FGF1: variants seen among roughly 807,000 people sequenced by gnomAD.
FGF1 encodes the protein fibroblast growth factor 1, also known as beta-endothelial cell growth factor.
FGF1 carries 9 observed loss-of-function variants against 13.4 expected under a neutral mutation model. The ratio of observed to expected loss-of-function variants is 0.67; its 90% CI spans 0.40 to 1.17. The LOEUF is 1.17. Among genes scored for constraint, FGF1 ranks in the 50% most tolerant of loss-of-function variants. FGF1 has a pLI of 0.01. For missense variants in FGF1, 156 were observed against 192.7 expected (o/e 0.81, Z 1.13); for synonymous variants, 93 against 79.0 (o/e 1.18, Z -0.94).
At chr5:142,619,850 C>T (rs931158035) in intron 1 of FGF1, among the ~76,000 whole-genome samples, 9 of 120,828 alleles carry the variant, frequency 7.4e-5, no homozygotes, top group East Asian at 2.1e-4. Flanking sequence ...AACCAAAAAA[C>T]GAAAAAAAAA....
chr5:142,615,527 G>C (rs941537546), intron 1 of FGF1, among the ~76,000 whole-genome samples: 4 of 152,078 alleles, frequency 2.6e-5, no homozygotes, highest in African/African-American at 9.6e-5. Flanking sequence ...CGGCCTGGGA[G>C]CTGTACTTTG....
chr5:142,626,522 G>A lies in FGF1; in HGVS notation c.-34-12361C>T, dbSNP rs188166375. On this transcript the variant is annotated intron_variant, in intron 1 of 3. Transcript: ENST00000337706. ...ATAAATGTGGATAAGAGAATAAAAT[G>A]CCCCTTGAACTGAGTGACCCTTGAG... Among the ~76,000 whole-genome samples the A allele has an allele frequency of 3.9e-4, 60 of 152,308 alleles. 1 individual carries two copies. The highest frequency in any genetic ancestry group is 1.4e-3 in the African/African-American group (57 of 41,568).
chr5:142,613,936 G>A, intron 2 of FGF1, 23 bp downstream of exon 2: 4 of 1,608,994 alleles, frequency 2.5e-6, no homozygotes, highest in Middle Eastern at 3.8e-4. Flanking sequence ...AAGGGAAGGG[G>A]GGTGCCATAG....
upstream of FGF1, among the ~76,000 whole-genome samples, chr5:142,690,247 GT>G (rs879477141): frequency 3.0e-3 from 461 of 151,890 alleles, no homozygotes; most frequent in Non-Finnish European, 5.4e-3. Context: ...CGTGAACCCG[GT>G]GAACCCGGCG....
Position 142,634,696 on chromosome 5 carries a change from C to T in FGF1, c.-34-20535G>A, listed in dbSNP as rs916635632. On this transcript the variant is annotated intron_variant, in intron 1 of 3. Coordinates refer to ENST00000337706, the MANE Select transcript of FGF1 (RefSeq NM_000800.5). ...TTACCACAAATAGTATTATTAATGT[C>T]TTTCATCCTTTGGGAGTTCACAAAA... Among the ~76,000 whole-genome samples the T allele has an allele frequency of 1.6e-4, 24 of 152,198 alleles. 1 individual carries two copies.
At chr5:142,638,926 A>G (rs1020328658) in intron 1 of FGF1, among the ~76,000 whole-genome samples, 6 of 152,056 alleles carry the variant, frequency 3.9e-5, no homozygotes, top group Non-Finnish European at 8.8e-5. Flanking sequence ...AAAATGCTCA[A>G]CATTGCTAAT....
intron 1 of FGF1, among the ~76,000 whole-genome samples, chr5:142,657,757 A>G (rs1394016987): frequency 2.0e-5 from 3 of 152,206 alleles, no homozygotes; most frequent in African/African-American, 7.2e-5. Context: ...GGAACTTTCC[A>G]ACCCACTCTG....
At chr5:142,604,224 A>C (rs574130653) in intron 2 of FGF1, among the ~76,000 whole-genome samples, 2 of 152,226 alleles carry the variant, frequency 1.3e-5, no homozygotes, top group African/African-American at 2.4e-5. Flanking sequence ...AATCCATTGC[A>C]TTGTACAACT....
rs1754942717 is a variant in FGF1 at position 142,594,955 on chromosome 5, T to C, written c.*335A>G. ...GAGGGAAATAGTGTGCAGTTACTAA[T>C]GTCCCACTTAGCCGACCCCTTAACA... is the stretch of plus-strand genomic sequence containing the variant. On this transcript the variant is annotated 3_prime_UTR_variant, in exon 4 of 4. Coordinates refer to ENST00000337706, the MANE Select transcript of FGF1 (RefSeq NM_000800.5). The C allele has an allele frequency of 4.5e-6, 1 of 221,678 alleles. No individual in the cohort carries two copies. The highest frequency in any genetic ancestry group is 1.2e-4 in the South Asian group (1 of 8,668). The allele number at this position is 221,678 out of a possible 1,614,324, so 13.7% of individuals were successfully genotyped here.
chr5:142,691,316 G>T (rs532227526), intron 2 of FGF1, among the ~76,000 whole-genome samples: 1 of 151,952 alleles, frequency 6.6e-6, no homozygotes, highest in African/African-American at 2.4e-5. Flanking sequence ...CAGCTACTCA[G>T]GAGGCTGAGG....
In FGF1 at chr5:142,592,662, A is replaced by T; in HGVS notation, c.*2628T>A. On this transcript the variant is annotated 3_prime_UTR_variant, in exon 4 of 4. Transcript: ENST00000337706. Reference sequence around the variant, plus strand: ...TTCAAAACAGAGCAGGGAACTACCAACCTCTTCCTTCTAAGAAGATCTGAC... The same window carrying T: ...TTCAAAACAGAGCAGGGAACTACCATCCTCTTCCTTCTAAGAAGATCTGAC... 1 of 388,116 alleles carries T rather than the reference A, an allele frequency of 2.6e-6. No homozygotes were observed. The highest frequency in any genetic ancestry group is 4.5e-6 in the Non-Finnish European group (1 of 219,788). The allele number at this position is 388,116 out of a possible 1,614,324, so 24.0% of individuals were successfully genotyped here.
chr5:142,605,651 G>C (rs1227198033), intron 2 of FGF1, among the ~76,000 whole-genome samples: 1 of 152,126 alleles, frequency 6.6e-6, no homozygotes, highest in Non-Finnish European at 1.5e-5. Flanking sequence ...TGTTGTGCCG[G>C]TGAGAGTTCG....
intron 1 of FGF1, among the ~76,000 whole-genome samples, chr5:142,653,062 G>T (rs1393835545): frequency 1.3e-5 from 2 of 152,190 alleles, no homozygotes; most frequent in Non-Finnish European, 2.9e-5. Context: ...GAGCCCTGTG[G>T]TCGGCAGCCC....
intron 1 of FGF1, among the ~76,000 whole-genome samples, chr5:142,651,124 C>T (rs565018407): frequency 1.6e-4 from 25 of 152,016 alleles, no homozygotes; most frequent in Admixed American, 1.2e-3. Context: ...GCCTGAGTAC[C>T]GAGAAGGGTG....
chr5:142,618,833 C>T (rs984137168), intron 1 of FGF1, among the ~76,000 whole-genome samples: 18 of 151,726 alleles, frequency 1.2e-4, no homozygotes, highest in Non-Finnish European at 2.2e-4. Context: ...GACATTTGTG[C>T]CCAGCTTGGC....
intron 2 of FGF1, among the ~76,000 whole-genome samples, chr5:142,696,861 G>A (rs570289529): frequency 6.6e-6 from 1 of 152,288 alleles, no homozygotes; most frequent in African/African-American, 2.4e-5. Context: ...ATGGGTATTT[G>A]TAGTCCATAG....
chr5:142,694,107 CTAT>C (rs1752705952), intron 2 of FGF1, among the ~76,000 whole-genome samples: 2 of 150,470 alleles, frequency 1.3e-5, no homozygotes, highest in African/African-American at 4.9e-5. Context: ...ATCTATCTAT[CTAT>C]CTATCTATCT....
At chr5:142,642,738 C>A (rs1765398650) in intron 1 of FGF1, among the ~76,000 whole-genome samples, 1 of 152,198 alleles carries the variant, frequency 6.6e-6, no homozygotes, top group Non-Finnish European at 1.5e-5. Flanking sequence ...AGCCAAAGAG[C>A]TGTGTGTGTT....
intron 1 of FGF1, among the ~76,000 whole-genome samples, chr5:142,670,744 GTTA>G (rs1173014617): frequency 6.6e-6 from 1 of 152,224 alleles, no homozygotes; most frequent in Non-Finnish European, 1.5e-5. Context: ...GTGCCTCACA[GTTA>G]TTTGGACTTC....
Sources: allele counts gnomAD v4.1 joint callset (sites outside exome capture counted in the v4.1 genomes callset), GRCh38; gene constraint gnomAD v4.1.1; transcripts MANE v1.5; gene names NCBI Gene and HGNC (gene_info 2026-07-23, HGNC 2026-07-21).